The following NTAN1 variants were observed in gnomAD, a reference collection of about 807,000 sequenced individuals.
NTAN1 encodes the protein N-terminal asparagine amidase.
A neutral mutation model predicts 41.9 loss-of-function variants in NTAN1; 32 were observed. The observed-to-expected ratio is 0.76, with a 90% CI of 0.58 to 1.03. The LOEUF (loss-of-function observed/expected upper bound fraction) is 1.03. Among genes scored for constraint, NTAN1 ranks in the 50% least tolerant of loss-of-function variants. The pLI is 0.00. For missense variants in NTAN1, 377 were observed against 377.5 expected, an observed-to-expected ratio of 1.00 and a Z score of 0.01; for synonymous variants, 140 against 139.5, an observed-to-expected ratio of 1.00 and a Z score of -0.03.
At chr16:15,042,907 T>TTC (rs1410966689) in intron 5 of NTAN1, among the ~76,000 whole-genome samples, 2 of 150,464 alleles carry the variant, frequency 1.3e-5, no homozygotes, top group African/African-American at 4.9e-5. Context: ...TAATTTTTTT[T>TTC]TTTTTTTTTT....
At chr16:15,044,037 T>C (rs1052627466) in intron 5 of NTAN1, among the ~76,000 whole-genome samples, 3 of 152,196 alleles carry the variant, frequency 2.0e-5, no homozygotes, top group Non-Finnish European at 4.4e-5. Context: ...ATGGACATTT[T>C]TGCCAGGAGG....
chr16:15,038,537 C>T (rs775185103), intron 9 of NTAN1, 37 bp downstream of exon 9: 29 of 1,136,532 alleles, frequency 2.6e-5, no homozygotes, highest in Non-Finnish European at 1.8e-5. Flanking sequence ...AACCAGGGTG[C>T]AGAGATTTAA....
chr16:15,047,803 C>G (rs1400723999), intron 3 of NTAN1, 52 bp downstream of exon 3: 23 of 1,435,418 alleles, frequency 1.6e-5, no homozygotes, highest in Non-Finnish European at 2.3e-5. Context: ...TTCAATGGTC[C>G]CAAAGGTTGG....
In NTAN1 at chr16:15,038,066, C is replaced by A; in HGVS notation, c.898G>T (p.Gly300Cys). 2.5e-6 allele frequency: 4 copies of A among 1,612,400 alleles called. No homozygotes were observed. Among genetic ancestry groups the A allele is most frequent in the Non-Finnish European group, 3.4e-6 (4 of 1,179,494 alleles). The change falls in exon 10 of 10, where the codon GGC becomes TGC. Residue 300 changes from glycine to cysteine, a missense_variant. By Grantham distance (159) the Gly-to-Cys change is radical. Transcript: ENST00000287706. Reference sequence around the variant, plus strand: ...GGAGAAGAGATCTTTTCCCACAAGCCATCTTCATTTTTTTTGTAGAGTAGG... The same window carrying A: ...GGAGAAGAGATCTTTTCCCACAAGCAATCTTCATTTTTTTTGTAGAGTAGG... The part of the protein sequence containing the change: ...KALLYKKNED[G>C]LWEKISSPGS
intron 1 of NTAN1, among the ~76,000 whole-genome samples, chr16:15,053,474 T>C (rs1031866481): frequency 4.0e-5 from 3 of 75,258 alleles, no homozygotes; most frequent in African/African-American, 1.2e-4. Context: ...TAAGCTATCA[T>C]TTTTTTAAAA....
intron 1 of NTAN1, among the ~76,000 whole-genome samples, chr16:15,052,149 G>A (rs1308782222): frequency 1.3e-5 from 2 of 152,146 alleles, no homozygotes; most frequent in African/African-American, 4.8e-5. Context: ...CTACAAGGCC[G>A]CAGTCTCTGT....
In NTAN1 at chr16:15,038,378, CCCACACACATTT is replaced by C. The variant is rs201658549; in HGVS notation, c.754-180_754-169del. On this transcript the variant is annotated intron_variant, in intron 9 of 9. Transcript: ENST00000287706. ...AAAAAGTTGATTGCTTACTGCTTTA[CCCACACACATTT>C]CCATCTAGGACTTGACATATCCCCA... The C allele has an allele frequency of 3.0e-3, 1,868 of 624,096 alleles. 28 individuals are homozygous for C. Among genetic ancestry groups the C allele is most frequent in the African/African-American group, 0.029 (1,578 of 54,296 alleles). The allele number at this position is 624,096 out of a possible 1,614,324, so 38.7% of individuals were successfully genotyped here.
rs1190196559 is a variant in NTAN1 at position 15,037,866 on chromosome 16, A to ATAAGGTTTTATTTTGAAAGTCATTT, written c.*140_*164dup. ...AGTCTCAACAAATGCCTTTGCCAAA[A>ATAAGGTTTTATTTTGAAAGTCATTT]TAAGGTTTTATTTTGAAAGTCATTT... On this transcript the variant is annotated 3_prime_UTR_variant, in exon 10 of 10. Transcript: ENST00000287706. 1.9e-6 allele frequency: 1 copy of ATAAGGTTTTATTTTGAAAGTCATTT among 536,822 alleles called. No homozygotes were observed. The highest frequency in any genetic ancestry group is 3.3e-6 in the Non-Finnish European group (1 of 305,532). 33.3% of individuals were successfully genotyped at this position (536,822 alleles called of 1,614,324 possible).
chr16:15,049,696 G>A (rs2044221724), intron 1 of NTAN1, among the ~76,000 whole-genome samples: 1 of 152,098 alleles, frequency 6.6e-6, no homozygotes. Flanking sequence ...AAGGTGCTGG[G>A]ATTATAGCAT....
chr16:15,054,317 G>A (rs1302479151), intron 1 of NTAN1, among the ~76,000 whole-genome samples: 6 of 152,158 alleles, frequency 3.9e-5, no homozygotes, highest in African/African-American at 1.4e-4. Context: ...TTCTTAAATA[G>A]GCCAAAACCT....
rs1057502569 is a variant in NTAN1 at position 15,052,700 on chromosome 16, G to A, written c.81+3191C>T. ...AATACAAAAATTAGCCGGGCATGGTGGCAGATGTCTGATACTCAGGAGGCT... is the reference window on the plus strand; with the variant it reads ...AATACAAAAATTAGCCGGGCATGGTAGCAGATGTCTGATACTCAGGAGGCT... On this transcript the variant is annotated intron_variant, in intron 1 of 9. Transcript: ENST00000287706. 5.8e-4 allele frequency among the ~76,000 whole-genome samples: 88 copies of A among 152,190 alleles called. 1 individual carries two copies. The highest frequency in any genetic ancestry group is 2.1e-3 in the African/African-American group (87 of 41,524).
At chr16:15,055,637 T>C (rs2044479235) in intron 1 of NTAN1, 1 of 338,278 alleles carries the variant, frequency 3.0e-6, no homozygotes, top group Middle Eastern at 7.4e-4. Flanking sequence ...CTGTGCGACC[T>C]TGGGCAAGTC....
intron 4 of NTAN1, chr16:15,044,646 G>A (rs2043971834): frequency 3.6e-6 from 2 of 562,934 alleles, no homozygotes; most frequent in Non-Finnish European, 6.3e-6. Flanking sequence ...GAACACAAAT[G>A]TGATGCCGCC....
intron 1 of NTAN1, 130 bp from the exon 2 acceptor site, chr16:15,048,229 A>C: frequency 3.2e-6 from 2 of 632,750 alleles, no homozygotes; most frequent in South Asian, 4.0e-5. Context: ...GTTAGTGGAC[A>C]GAGAGGCTCA....
rs1172546337 is a variant in NTAN1, at chr16:15,040,764, G to T, written c.541+304C>A. 3.9e-5 allele frequency among the ~76,000 whole-genome samples: 6 copies of T among 152,180 alleles called. No homozygotes were observed. The East Asian group carries it at 5.8e-4, about 15-fold the overall frequency. On this transcript the variant is annotated intron_variant, in intron 7 of 9. Transcript: ENST00000287706. ...CACGCCGGGCCTGGGGTGCTGGGGG[G>T]AGAGGGAAACAAAACCAGGCACTTT...
intron 9 of NTAN1, 39 bp downstream of exon 9, chr16:15,038,535 T>A: frequency 9.0e-7 from 1 of 1,105,094 alleles, no homozygotes. Context: ...GAAACCAGGG[T>A]GCAGAGATTT....
At chr16:15,044,514 C>G (rs1364712526) in intron 4 of NTAN1, 107 bp from the exon 5 acceptor site, 1 of 761,222 alleles carries the variant, frequency 1.3e-6, no homozygotes, top group African/African-American at 1.7e-5. Context: ...TGCTCTACAG[C>G]AGAGCTGCAG....
At chr16:15,043,373 G>A (rs182524332) in intron 5 of NTAN1, among the ~76,000 whole-genome samples, 1 of 152,318 alleles carries the variant, frequency 6.6e-6, no homozygotes, top group East Asian at 1.9e-4. Flanking sequence ...GCGAGACCCT[G>A]TCTCCACAAA....
At chr16:15,043,175 C>T (rs924040858) in intron 5 of NTAN1, among the ~76,000 whole-genome samples, 3 of 152,138 alleles carry the variant, frequency 2.0e-5, no homozygotes, top group African/African-American at 7.2e-5. Flanking sequence ...GCTGGGATTA[C>T]AGGCATGAGC....
Sources: gnomAD v4.1 joint callset for allele counts (sites outside exome capture counted in the v4.1 genomes callset) on GRCh38, gnomAD v4.1.1 for gene constraint, MANE v1.5 for transcripts, NCBI Gene and HGNC (gene_info 2026-07-23, HGNC 2026-07-21) for gene names.